DDIT3: variants seen among roughly 807,000 people sequenced by gnomAD.
DDIT3 encodes the protein DNA damage inducible transcript 3, also known as DNA damage-inducible transcript 3 protein.
In DDIT3, 14 loss-of-function variants were observed where a neutral mutation model predicts 17.6. That is an observed-to-expected ratio of 0.80 (90% CI 0.53 to 1.25). The LOEUF (loss-of-function observed/expected upper bound fraction) is 1.25, where lower values mean the gene tolerates loss of function less well. DDIT3 is among the 50% of genes most tolerant of loss of function. The probability of loss-of-function intolerance (pLI) is 0.00; values close to 1 mark genes in which losing one functional copy is unlikely to be tolerated. For missense variants in DDIT3, 216 were observed against 202.7 expected (o/e 1.07, Z -0.40); for synonymous variants, 93 against 76.5 (o/e 1.22, Z -1.13).
chr12:57,519,121 C>T (rs1479091957), intron 1 of DDIT3: 2 of 532,564 alleles, frequency 3.8e-6, no homozygotes. Flanking sequence ...CTCTTGCCAC[C>T]CCTCCGCAAC....
intron 1 of DDIT3, among the ~76,000 whole-genome samples, chr12:57,518,289 C>G (rs1213300845): frequency 6.6e-6 from 1 of 152,082 alleles, no homozygotes; most frequent in Non-Finnish European, 1.5e-5. Flanking sequence ...AAGTCCTGGC[C>G]AACTCAGCTT....
Position 57,516,600 on chromosome 12 carries a change from A to C in DDIT3, c.*209T>G. On this transcript the variant is annotated 3_prime_UTR_variant, in exon 4 of 4. Coordinates refer to ENST00000346473, the MANE Select transcript of DDIT3 (RefSeq NM_004083.6). ...AAAGTAAAAGACCTTGGCTCATAGA[A>C]AGTCACTTTAATAGATAGGGACAGT... 1 of 1,557,164 alleles carries C rather than the reference A, an allele frequency of 6.4e-7. No homozygotes were observed. Among genetic ancestry groups the C allele is most frequent in the Non-Finnish European group, 8.6e-7 (1 of 1,158,776 alleles).
chr12:57,517,157 A>T lies in DDIT3; in HGVS notation c.162T>A (p.Thr54=). 6.2e-7 allele frequency: 1 copy of T among 1,608,618 alleles called. No individual in the cohort carries two copies. The highest frequency in any genetic ancestry group is 1.7e-4 in the Middle Eastern group (1 of 6,036). ...GCCAAGCCAGAGAAGCAGGGTCAAG[A>T]GTGGTGAAGATTTTTGATTCTTCCT... ...NEEEESKIFT[T]LDPASLAWLT... Residue 54 remains threonine (T), a synonymous_variant, in exon 4 of 4, where the codon ACT becomes ACA. Transcript: ENST00000346473.
At position 57,517,383 on chromosome 12, in the gene DDIT3, G is replaced by GA. The variant is rs757142452; in HGVS notation, c.23dup (p.Ser9LeufsTer15). On this transcript the variant is annotated frameshift_variant, in exon 3 of 4. Coordinates refer to ENST00000346473, the MANE Select transcript of DDIT3 (RefSeq NM_004083.6). LOFTEE classifies it high-confidence loss of function. ...CCCAGCTGGACAGTGTCCCGAAGGA[G>GA]AAAGGCAATGACTCAGCTGCCATCT... The GA allele has an allele frequency of 6.2e-7, 1 of 1,611,200 alleles. No homozygotes were observed. Among genetic ancestry groups the GA allele is most frequent in the African/African-American group, 1.3e-5 (1 of 74,938 alleles).
At position 57,517,430 on chromosome 12, in the gene DDIT3, A is replaced by G; in HGVS notation, c.-24T>C. The G allele has an allele frequency of 6.2e-7, 1 of 1,603,926 alleles. No homozygotes were observed. The highest frequency in any genetic ancestry group is 8.5e-7 in the Non-Finnish European group (1 of 1,179,982). ...ATCTCTGCAGTTGGATCAGTCTGGAAAAGCACATCTGCAGGATAATGGGGA... is the reference window on the plus strand; with the variant it reads ...ATCTCTGCAGTTGGATCAGTCTGGAGAAGCACATCTGCAGGATAATGGGGA... On this transcript the variant is annotated 5_prime_UTR_variant, in exon 3 of 4. Coordinates refer to ENST00000346473, the MANE Select transcript of DDIT3 (RefSeq NM_004083.6).
In DDIT3 at chr12:57,517,399, G is replaced by C; in HGVS notation, c.8C>G (p.Ala3Gly). 6.2e-7 allele frequency: 1 copy of C among 1,609,344 alleles called. No homozygotes were observed. Among genetic ancestry groups the C allele is most frequent in the Non-Finnish European group, 8.5e-7 (1 of 1,180,022 alleles). MA[A>G]ESLPFSFGTL... ...CCCGAAGGAGAAAGGCAATGACTCA[G>C]CTGCCATCTCTGCAGTTGGATCAGT... is the stretch of plus-strand genomic sequence containing the variant. The change falls in exon 3 of 4, where the codon GCT becomes GGT. Residue 3 changes from alanine to glycine, a missense_variant. Transcript: ENST00000346473.
chr12:57,517,973 C>T (rs1398611615), intron 1 of DDIT3, among the ~76,000 whole-genome samples: 2 of 151,910 alleles, frequency 1.3e-5, no homozygotes, highest in African/African-American at 2.4e-5. Context: ...ACTACAGGCG[C>T]GTGCCACCAC....
In DDIT3 at chr12:57,516,738, G is replaced by A; in HGVS notation, c.*71C>T. The A allele has an allele frequency of 6.4e-7, 1 of 1,567,780 alleles. No individual in the cohort carries two copies. The highest frequency in any genetic ancestry group is 8.6e-7 in the Non-Finnish European group (1 of 1,158,188). The stretch of plus-strand genomic sequence containing the variant: ...GGTCACATCATTGGCACTAGTGAGA[G>A]GGTAGTCAGTAGCCACTTCTGGGAA... On this transcript the variant is annotated 3_prime_UTR_variant, in exon 4 of 4. Transcript: ENST00000346473.
chr12:57,517,943 C>T (rs753650015), intron 1 of DDIT3, among the ~76,000 whole-genome samples, 190 bp from the exon 2 acceptor site: 6 of 151,850 alleles, frequency 4.0e-5, no homozygotes, highest in Non-Finnish European at 5.9e-5. Flanking sequence ...TCTTCTGCCT[C>T]GGCCTCCCGA....
At chr12:57,519,903 G>C (rs1395218775) in intron 1 of DDIT3, among the ~76,000 whole-genome samples, 1 of 152,208 alleles carries the variant, frequency 6.6e-6, no homozygotes, top group South Asian at 2.1e-4. Flanking sequence ...CCAAAGGCTT[G>C]TGTCTCCTCA....
In DDIT3 at chr12:57,517,742, CCTT is replaced by C. The variant is rs1369215174; in HGVS notation, c.-72_-70del. On this transcript the variant is annotated 5_prime_UTR_variant, in exon 2 of 4. Coordinates refer to ENST00000346473, the MANE Select transcript of DDIT3 (RefSeq NM_004083.6). ...TGTGGTGATGTATGAAGATACACTT[CCTT>C]CTTGAACACTGTGGGCAACAAAGAG... 6.2e-6 allele frequency: 3 copies of C among 480,372 alleles called. No individual in the cohort carries two copies. Among genetic ancestry groups the C allele is most frequent in the African/African-American group, 5.9e-5 (3 of 50,718 alleles). The allele number at this position is 480,372 out of a possible 1,614,324, so 29.8% of individuals were successfully genotyped here.
intron 1 of DDIT3, 145 bp downstream of exon 1, chr12:57,520,273 A>T (rs1189355401): frequency 2.5e-6 from 1 of 396,172 alleles, no homozygotes; most frequent in Non-Finnish European, 4.4e-6. Flanking sequence ...GTTTGTAAGC[A>T]CCACCCCAGA....
rs1360549577 is a variant in DDIT3, at chr12:57,516,611, A to C, written c.*198T>G. The C allele has an allele frequency of 1.3e-6, 2 of 1,550,958 alleles. No homozygotes were observed. Among genetic ancestry groups the C allele is most frequent in the Non-Finnish European group, 1.7e-6 (2 of 1,155,706 alleles). The stretch of plus-strand genomic sequence containing the variant: ...CCTTGGCTCATAGAAAGTCACTTTA[A>C]TAGATAGGGACAGTAATAAATAAAT... On this transcript the variant is annotated 3_prime_UTR_variant, in exon 4 of 4. Coordinates refer to ENST00000346473, the MANE Select transcript of DDIT3 (RefSeq NM_004083.6).
rs772558398 is a variant in DDIT3, at chr12:57,517,326, C to A, written c.81G>T (p.Glu27Asp). 5.6e-6 allele frequency: 9 copies of A among 1,613,966 alleles called. No individual in the cohort carries two copies. In the South Asian group the frequency reaches 9.9e-5, roughly 18 times the overall value. Residue 27 changes from glutamate to aspartate, a missense_variant, in exon 3 of 4, where the codon GAG (glutamate) becomes GAT (aspartate). By Grantham distance (45) the Glu-to-Asp change is conservative. Transcript: ENST00000346473. ...ELEAWYEDLQ[E>D]VLSSDENGGT... ...CCCCATTTTCATCTGAAGACAGGACCTCTTGCAGGTCCTCATACCAGGCTT... is the reference window on the plus strand; with the variant it reads ...CCCCATTTTCATCTGAAGACAGGACATCTTGCAGGTCCTCATACCAGGCTT...
rs937822754 is a variant in DDIT3 at position 57,520,508 on chromosome 12, C to G, written c.-171G>C. On this transcript the variant is annotated 5_prime_UTR_variant, in exon 1 of 4. Coordinates refer to ENST00000346473, the MANE Select transcript of DDIT3 (RefSeq NM_004083.6). ...TACGCTCAGTGCCTTAGACTTAAGTCTCTGACCTCGGGAGCGCCTGGCTGT... is the reference window on the plus strand; with the variant it reads ...TACGCTCAGTGCCTTAGACTTAAGTGTCTGACCTCGGGAGCGCCTGGCTGT... The G allele has an allele frequency of 2.5e-6, 1 of 398,606 alleles. No individual in the cohort carries two copies. The highest frequency in any genetic ancestry group is 4.4e-6 in the Non-Finnish European group (1 of 226,052). The allele number at this position is 398,606 out of a possible 1,614,324, so 24.7% of individuals were successfully genotyped here. A position where few individuals can be genotyped will look rare whatever the true frequency, so the allele number is the denominator to read the frequency against.
In DDIT3 at chr12:57,517,355, G is replaced by C. The variant is rs61935709; in HGVS notation, c.52C>G (p.Leu18Val). ...FSFGTLSSWELEAWYEDLQEV... is the reference protein window; with the variant it reads ...FSFGTLSSWEVEAWYEDLQEV... ...TGCAGGTCCTCATACCAGGCTTCCA[G>C]CTCCCAGCTGGACAGTGTCCCGAAG... is the stretch of plus-strand genomic sequence containing the variant. The change falls in exon 3 of 4, where the codon CTG becomes GTG. Residue 18 changes from leucine (L) to valine (V), a missense_variant. Physicochemically the swap from Leu to Val is conservative, Grantham distance 32. Coordinates refer to ENST00000346473, the MANE Select transcript of DDIT3 (RefSeq NM_004083.6). 9.9e-6 allele frequency: 16 copies of C among 1,613,518 alleles called. No homozygotes were observed. The highest frequency in any genetic ancestry group is 1.4e-5 in the Non-Finnish European group (16 of 1,180,032).
At chr12:57,517,470 C>T (rs763878425) in intron 2 of DDIT3, 32 bp from the exon 3 acceptor site, 1 of 1,599,274 alleles carries the variant, frequency 6.3e-7, no homozygotes, top group South Asian at 1.1e-5. Flanking sequence ...CTGGAACAAG[C>T]TCCATGTAGC....
At position 57,517,292 on chromosome 12, in the gene DDIT3, C is replaced by T. The variant is rs1394096942; in HGVS notation, c.115G>A (p.Val39Ile). Residue 39 changes from valine (V) to isoleucine (I), a missense_variant, in exon 3 of 4, where the codon GTT becomes ATT. Physicochemically the swap from Val to Ile is conservative, Grantham distance 29 (BLOSUM62 3). Transcript: ENST00000346473. ...ACCTCTTCATTTCCAGGAGGTGAAA[C>T]ATAGGTACCCCCATTTTCATCTGAA... is the stretch of plus-strand genomic sequence containing the variant. ...LSSDENGGTYVSPPGNEEEES... is the reference protein window; with the variant it reads ...LSSDENGGTYISPPGNEEEES... 3 of 1,614,024 alleles carry T rather than the reference C, an allele frequency of 1.9e-6. No homozygotes were observed. Among genetic ancestry groups the T allele is most frequent in the South Asian group, 1.1e-5 (1 of 91,078 alleles).
chr12:57,519,031 G>A (rs1878088320), intron 1 of DDIT3: 1 of 517,998 alleles, frequency 1.9e-6, no homozygotes, highest in Non-Finnish European at 3.9e-6. Flanking sequence ...TAATTCCATT[G>A]TTTCCAATCT....
Sources: allele counts gnomAD v4.1 joint callset (sites outside exome capture counted in the v4.1 genomes callset), GRCh38; gene constraint gnomAD v4.1.1; transcripts MANE v1.5; gene names NCBI Gene and HGNC (gene_info 2026-07-23, HGNC 2026-07-21).